The following CHD9 variants were observed in gnomAD, a reference collection of about 807,000 sequenced individuals.
CHD9 encodes chromodomain helicase DNA binding protein 9.
A neutral mutation model predicts 316.1 loss-of-function variants in CHD9; 77 were observed. The observed-to-expected ratio is 0.24, with a 90% confidence interval of 0.20 to 0.29. The LOEUF (loss-of-function observed/expected upper bound fraction) is 0.29, where lower values mean the gene tolerates loss of function less well. Ranked by LOEUF, CHD9 falls within the 10% of genes least tolerant of loss-of-function variation. CHD9 has a pLI of 1.00. For missense variants in CHD9, 2,763 were observed against 3,438.1 expected (o/e 0.80, Z 4.91); for synonymous variants, 1,129 against 1,158.3 (o/e 0.97, Z 0.51).
chr16:53,125,613 T>G (rs1285323970), intron 1 of CHD9, among the ~76,000 whole-genome samples: 1 of 152,150 alleles, frequency 6.6e-6, no homozygotes, highest in Non-Finnish European at 1.5e-5. Flanking sequence ...ATTTTGAATT[T>G]TTATCTTTTC....
chr16:53,164,572 C>T (rs2042143032), intron 2 of CHD9, among the ~76,000 whole-genome samples: 1 of 151,836 alleles, frequency 6.6e-6, no homozygotes, highest in East Asian at 1.9e-4. Context: ...GAGCAAGGCC[C>T]TGTCTCAAAA....
intron 29 of CHD9, among the ~76,000 whole-genome samples, chr16:53,293,564 T>C (rs958972449): frequency 2.6e-5 from 4 of 152,124 alleles, no homozygotes; most frequent in African/African-American, 9.7e-5. Context: ...TGCAGTGAGA[T>C]GTGATTGTAC....
At chr16:53,265,965 ATTAG>A (rs771393032) in intron 20 of CHD9, among the ~76,000 whole-genome samples, 8 of 151,736 alleles carry the variant, frequency 5.3e-5, no homozygotes, top group Non-Finnish European at 1.0e-4. Context: ...AAAAAATACA[ATTAG>A]TTTTTTGTTT....
intron 20 of CHD9, among the ~76,000 whole-genome samples, chr16:53,264,331 G>A (rs2051443073): frequency 6.6e-6 from 1 of 152,046 alleles, no homozygotes; most frequent in Admixed American, 6.5e-5. Context: ...ATATAGTACA[G>A]TGATACTCAT....
At chr16:53,315,797 G>C (rs771030323) in intron 36 of CHD9, among the ~76,000 whole-genome samples, 2 of 151,904 alleles carry the variant, frequency 1.3e-5, no homozygotes, top group African/African-American at 2.4e-5. Context: ...TTTTATAAAT[G>C]AAATTAAAAC....
intron 2 of CHD9, among the ~76,000 whole-genome samples, chr16:53,186,527 A>G (rs1211735374): frequency 6.6e-6 from 1 of 152,170 alleles, no homozygotes; most frequent in Non-Finnish European, 1.5e-5. Context: ...ATGCTGAAAT[A>G]AGACTTCGAG....
rs779317154 is a variant in CHD9, at chr16:53,324,633, G to C, written c.8432G>C (p.Gly2811Ala). 1 of 1,613,698 alleles carries C rather than the reference G, an allele frequency of 6.2e-7. No individual in the cohort carries two copies. Among genetic ancestry groups the C allele is most frequent in the South Asian group, 1.1e-5 (1 of 91,028 alleles). ...ILYPGMLLTP[G>A]LNLHIPTLSQ... Reference sequence around the variant, plus strand: ...TATCCAGGGATGCTTCTCACTCCAGGCCTTAATCTTCATATTCCAACTTTG... The same window carrying C: ...TATCCAGGGATGCTTCTCACTCCAGCCCTTAATCTTCATATTCCAACTTTG... The change falls in exon 39 of 39, where the codon GGC becomes GCC. Residue 2811 changes from glycine to alanine, a missense_variant. Physicochemically the swap from Gly to Ala is moderately conservative, Grantham distance 60. Around this residue, in one of 15 missense-constraint regions of CHD9, gnomAD observed 298 missense variants for 380.2 expected, o/e 0.78. Coordinates refer to ENST00000447540, the MANE Select transcript of CHD9 (RefSeq NM_001308319.2).
intron 20 of CHD9, among the ~76,000 whole-genome samples, chr16:53,264,626 A>T (rs2051474246): frequency 6.6e-6 from 1 of 152,150 alleles, no homozygotes; most frequent in Admixed American, 6.6e-5. Flanking sequence ...GATAATTTAG[A>T]GAGTGAGGAA....
chr16:53,273,273 G>A lies in CHD9; in HGVS notation c.4718-353G>A, dbSNP rs1037806338. Among the ~76,000 whole-genome samples, 3 of 152,134 alleles carry A rather than the reference G, an allele frequency of 2.0e-5. No individual in the cohort carries two copies. The East Asian group carries it at 5.8e-4, about 29-fold the overall frequency. ...TATCTAAATCAATTTTGAAAAGCAAGAGTAGAGGTCAAAACATATCTTTTA... is the reference window on the plus strand; with the variant it reads ...TATCTAAATCAATTTTGAAAAGCAAAAGTAGAGGTCAAAACATATCTTTTA... On this transcript the variant is annotated intron_variant, in intron 22 of 38. Transcript: ENST00000447540.
intron 2 of CHD9, among the ~76,000 whole-genome samples, chr16:53,186,270 G>C (rs138128526): frequency 4.6e-5 from 7 of 152,326 alleles, no homozygotes; most frequent in South Asian, 2.1e-4. Context: ...GTGAGACATG[G>C]AGTCAAAGGA....
chr16:53,251,425 C>G (rs979919693), intron 17 of CHD9, among the ~76,000 whole-genome samples: 1 of 152,170 alleles, frequency 6.6e-6, no homozygotes, highest in Admixed American at 6.5e-5. Flanking sequence ...TCCTATTTGA[C>G]TGCTAATGTA....
chr16:53,288,137 G>C, intron 27 of CHD9, 123 bp downstream of exon 27: 1 of 699,646 alleles, frequency 1.4e-6, no homozygotes, highest in South Asian at 1.7e-5. Flanking sequence ...CCTCAGATTA[G>C]CTAAGTAAGT....
intron 2 of CHD9, among the ~76,000 whole-genome samples, chr16:53,184,503 A>AT (rs2043817088): frequency 6.6e-6 from 1 of 151,852 alleles, no homozygotes; most frequent in African/African-American, 2.4e-5. Context: ...TGCCCAGTGA[A>AT]TTTTTGTTTT....
intron 1 of CHD9, among the ~76,000 whole-genome samples, chr16:53,105,772 C>A (rs535541557): frequency 6.7e-6 from 1 of 149,806 alleles, no homozygotes; most frequent in Non-Finnish European, 1.5e-5. Flanking sequence ...TGCTGTGGGT[C>A]TTGAATTTTC....
intron 1 of CHD9, among the ~76,000 whole-genome samples, chr16:53,152,778 T>C (rs970103283): frequency 1.3e-5 from 2 of 152,182 alleles, no homozygotes; most frequent in Admixed American, 6.5e-5. Context: ...GGTAGTGATA[T>C]ATAATTAATA....
chr16:53,237,820 G>A (rs2048758776), intron 11 of CHD9, among the ~76,000 whole-genome samples: 1 of 143,402 alleles, frequency 7.0e-6, no homozygotes, highest in Admixed American at 6.8e-5. Context: ...GAATGTATAG[G>A]GGAGGGGCCT....
chr16:53,131,825 G>T (rs2039343750), intron 1 of CHD9, among the ~76,000 whole-genome samples: 1 of 152,130 alleles, frequency 6.6e-6, no homozygotes, highest in African/African-American at 2.4e-5. Context: ...CTTGCCTCTC[G>T]GTTCCGACCG....
rs541077947 is a variant in CHD9 at position 53,134,192 on chromosome 16, G to A, written c.-164-21734G>A. On this transcript the variant is annotated intron_variant, in intron 1 of 38. Transcript: ENST00000447540. ...AGAATATGGAAACTTGAGGCAGTTGGTCAGAGTAAAAACTAATGGAAGCAT... is the reference window on the plus strand; with the variant it reads ...AGAATATGGAAACTTGAGGCAGTTGATCAGAGTAAAAACTAATGGAAGCAT... 3.2e-4 allele frequency among the ~76,000 whole-genome samples: 48 copies of A among 152,278 alleles called. No homozygotes were observed. The Middle Eastern group carries it at 0.01, about 32-fold the overall frequency.
intron 24 of CHD9, among the ~76,000 whole-genome samples, chr16:53,283,671 T>C (rs1272220233): frequency 6.6e-6 from 1 of 152,210 alleles, no homozygotes; most frequent in African/African-American, 2.4e-5. Context: ...AAAATAAATA[T>C]CTCTTTTTAC....
Sources: allele counts gnomAD v4.1 joint callset (sites outside exome capture counted in the v4.1 genomes callset), GRCh38; gene constraint gnomAD v4.1.1; regional missense constraint gnomAD v4.1.1; transcripts MANE v1.5; gene names NCBI Gene and HGNC (gene_info 2026-07-23, HGNC 2026-07-21).